Variants in CAMTA1 observed in about 807,000 individuals in gnomAD.
CAMTA1 encodes calmodulin binding transcription activator 1.
In CAMTA1, 27 loss-of-function variants were observed where a neutral mutation model predicts 170.9. The observed-to-expected ratio is 0.16, with a 90% CI of 0.12 to 0.22. CAMTA1 has a LOEUF of 0.22. Ranked by LOEUF, CAMTA1 falls within the 10% of genes least tolerant of loss-of-function variation. The pLI is 1.00. For missense variants in CAMTA1, 1,619 were observed against 2,217.2 expected (o/e 0.73, Z 5.42); for synonymous variants, 833 against 891.5 (o/e 0.93, Z 1.17).
At chr1:6,830,032 A>ATTTATTTT (rs1197094626) in intron 3 of CAMTA1, among the ~76,000 whole-genome samples, 66 of 150,950 alleles carry the variant, frequency 4.4e-4, no homozygotes, top group African/African-American at 1.6e-3. Flanking sequence ...TTTTTTATTT[A>ATTTATTTT]TTTATTTTTT....
At chr1:7,691,416 A>G (rs902227249) in intron 11 of CAMTA1, among the ~76,000 whole-genome samples, 3 of 152,198 alleles carry the variant, frequency 2.0e-5, no homozygotes, top group African/African-American at 7.2e-5. Flanking sequence ...GACGTGACCA[A>G]GTTGGCTTCT....
At chr1:7,620,975 A>G (rs1045278757) in intron 6 of CAMTA1, among the ~76,000 whole-genome samples, 2 of 152,188 alleles carry the variant, frequency 1.3e-5, no homozygotes, top group Non-Finnish European at 2.9e-5. Flanking sequence ...TGCAGGATGC[A>G]TGGGGCCAGA....
intron 6 of CAMTA1, among the ~76,000 whole-genome samples, chr1:7,544,771 G>A (rs1750822): frequency 0.69 from 104,855 of 152,090 alleles, 36,349 homozygotes; most frequent in African/African-American, 0.77. Context: ...CATGGTGGAA[G>A]GTGGGAGGAG....
At chr1:7,427,653 G>C (rs1016249681) in intron 5 of CAMTA1, among the ~76,000 whole-genome samples, 1 of 152,170 alleles carries the variant, frequency 6.6e-6, no homozygotes, top group Admixed American at 6.5e-5. Flanking sequence ...ATCCTGAGTG[G>C]CTTGGCTTCA....
In CAMTA1 at chr1:7,110,722, G is replaced by A. The variant is rs558415061; in HGVS notation, c.302+19351G>A. The stretch of plus-strand genomic sequence containing the variant: ...TGTCCTCTGATCTCAGAGGGATGGC[G>A]CTGCTCCTCGGGTTCACCCGTGATC... On this transcript the variant is annotated intron_variant, in intron 4 of 22. Coordinates refer to ENST00000303635, the MANE Select transcript of CAMTA1 (RefSeq NM_015215.4). Among the ~76,000 whole-genome samples the A allele has an allele frequency of 1.7e-4, 26 of 152,316 alleles. No homozygotes were observed. In the East Asian group the frequency reaches 1.7e-3, roughly 10 times the overall value.
Position 7,293,854 on chromosome 1 carries a change from G to C in CAMTA1, c.438+44228G>C, listed in dbSNP as rs899019187. The stretch of plus-strand genomic sequence containing the variant: ...CTGAAAACTCGGCATGCCCCGGGGG[G>C]CCTCTTTGGAGCCTGTTGGAGGAGA... On this transcript the variant is annotated intron_variant, in intron 5 of 22. Coordinates refer to ENST00000303635, the MANE Select transcript of CAMTA1 (RefSeq NM_015215.4). This position sits in a 1 kb window ranked among gnomAD's most constrained non-coding sequence, Gnocchi z 4.1. 6.6e-6 allele frequency among the ~76,000 whole-genome samples: 1 copy of C among 152,242 alleles called. No individual in the cohort carries two copies. Among genetic ancestry groups the C allele is most frequent in the Admixed American group, 6.5e-5 (1 of 15,290 alleles).
At chr1:6,913,659 A>G (rs1680177469) in intron 3 of CAMTA1, among the ~76,000 whole-genome samples, 1 of 151,924 alleles carries the variant, frequency 6.6e-6, no homozygotes, top group African/African-American at 2.4e-5. Flanking sequence ...TTGATTCAGC[A>G]CAAACTGTGC....
intron 6 of CAMTA1, among the ~76,000 whole-genome samples, chr1:7,540,061 C>T (rs2094591607): frequency 6.6e-6 from 1 of 152,180 alleles, no homozygotes; most frequent in Non-Finnish European, 1.5e-5. Flanking sequence ...CCTCTGAACC[C>T]TGTACACACC....
chr1:7,111,028 C>T (rs1644003934), intron 4 of CAMTA1, among the ~76,000 whole-genome samples: 1 of 152,254 alleles, frequency 6.6e-6, no homozygotes, highest in Admixed American at 6.5e-5. Flanking sequence ...TCCATCTCTT[C>T]ACCTCTTCCA....
intron 3 of CAMTA1, among the ~76,000 whole-genome samples, chr1:6,855,613 C>T (rs1662033433): frequency 6.6e-6 from 1 of 152,082 alleles, no homozygotes; most frequent in African/African-American, 2.4e-5. Flanking sequence ...CCAGGCCCCA[C>T]CTCCAGCACT....
chr1:6,799,233 A>C (rs1056632523), intron 1 of CAMTA1, among the ~76,000 whole-genome samples: 1 of 152,042 alleles, frequency 6.6e-6, no homozygotes, highest in Non-Finnish European at 1.5e-5. Flanking sequence ...ACACCCGGCT[A>C]ATTCTTTTTT....
intron 5 of CAMTA1, among the ~76,000 whole-genome samples, chr1:7,400,795 G>A (rs1217896729): frequency 6.6e-6 from 1 of 152,206 alleles, no homozygotes; most frequent in Non-Finnish European, 1.5e-5. Flanking sequence ...GGCTGCTAGA[G>A]TTTGTGTGGC....
intron 6 of CAMTA1, among the ~76,000 whole-genome samples, chr1:7,594,196 G>A (rs894716751): frequency 1.8e-5 from 2 of 109,136 alleles, no homozygotes; most frequent in South Asian, 7.4e-4. Context: ...AAGAAAGGAG[G>A]GAGGGGAAGG....
At chr1:7,659,305 G>T (rs568970896) in intron 7 of CAMTA1, among the ~76,000 whole-genome samples, 2 of 152,206 alleles carry the variant, frequency 1.3e-5, no homozygotes, top group East Asian at 1.9e-4. Context: ...GAGGCCAAAG[G>T]GGGGTGGATC....
intron 4 of CAMTA1, among the ~76,000 whole-genome samples, chr1:7,183,156 A>G (rs897075250): frequency 7.2e-5 from 11 of 152,132 alleles, no homozygotes; most frequent in Non-Finnish European, 1.2e-4. Flanking sequence ...ACTTTTAATC[A>G]TGGTGGAAGG....
chr1:7,439,422 C>A (rs1311582094), intron 5 of CAMTA1, among the ~76,000 whole-genome samples: 1 of 152,120 alleles, frequency 6.6e-6, no homozygotes, highest in Non-Finnish European at 1.5e-5. Context: ...TGGACACTAC[C>A]CTGAAGCACG....
intron 3 of CAMTA1, among the ~76,000 whole-genome samples, chr1:6,991,285 CT>C (rs901210771): frequency 6.6e-6 from 1 of 151,782 alleles, no homozygotes; most frequent in African/African-American, 2.4e-5. Context: ...GCTGTGTTTT[CT>C]TTTTTTTAAA....
intron 3 of CAMTA1, among the ~76,000 whole-genome samples, chr1:6,913,044 T>C (rs1259034630): frequency 2.6e-5 from 4 of 152,230 alleles, no homozygotes; most frequent in Non-Finnish European, 1.5e-5. Flanking sequence ...CAGCATGCCG[T>C]GACCTTGAGT....
At chr1:7,324,219 T>G (rs1347225746) in intron 5 of CAMTA1, among the ~76,000 whole-genome samples, 1 of 152,236 alleles carries the variant, frequency 6.6e-6, no homozygotes, top group Non-Finnish European at 1.5e-5. Context: ...CTCTTGAATA[T>G]TTCATCAATA....
Sources: allele counts gnomAD v4.1 joint callset (sites outside exome capture counted in the v4.1 genomes callset), GRCh38; gene constraint gnomAD v4.1.1; non-coding constraint Gnocchi (gnomAD v3.1); transcripts MANE v1.5; gene names NCBI Gene and HGNC (gene_info 2026-07-23, HGNC 2026-07-21).